Variants in GATA4 observed in about 807,000 individuals in gnomAD.
GATA4 encodes the protein GATA binding protein 4.
GATA4 carries 7 observed loss-of-function variants against 37.9 expected under a neutral mutation model. That is an observed-to-expected ratio of 0.18 (90% CI 0.11 to 0.35). GATA4 has a LOEUF of 0.35. Among genes scored for constraint, GATA4 ranks in the 10% least tolerant of loss-of-function variants. The pLI, the probability that GATA4 is intolerant of heterozygous loss-of-function variation, is 1.00. For missense variants in GATA4, 647 were observed against 653.0 expected, an observed-to-expected ratio of 0.99 and a Z score of 0.10; for synonymous variants, 372 against 292.6, an observed-to-expected ratio of 1.27 and a Z score of -2.77.
At chr8:11,724,046 A>G (rs906926243) in intron 2 of GATA4, among the ~76,000 whole-genome samples, 9 of 152,206 alleles carry the variant, frequency 5.9e-5, no homozygotes, top group Non-Finnish European at 8.8e-5. Flanking sequence ...CTTTAGTTAC[A>G]TGGAAGGACA....
chr8:11,735,198 T>C (rs1399561475), intron 2 of GATA4, among the ~76,000 whole-genome samples: 1 of 152,258 alleles, frequency 6.6e-6, no homozygotes, highest in Non-Finnish European at 1.5e-5. Context: ...TGCTATATAT[T>C]TTTTTCTCAG....
chr8:11,738,730 G>C (rs781488007), intron 2 of GATA4, among the ~76,000 whole-genome samples: 2 of 152,184 alleles, frequency 1.3e-5, no homozygotes, highest in Non-Finnish European at 2.9e-5. Flanking sequence ...TTCCCCACTG[G>C]CTGCGGGGCT....
chr8:11,751,490 T>A (rs1456112317), intron 4 of GATA4, among the ~76,000 whole-genome samples: 1 of 152,214 alleles, frequency 6.6e-6, no homozygotes, highest in Non-Finnish European at 1.5e-5. Flanking sequence ...GGAAGGACAC[T>A]CTTTTTGCTG....
intron 2 of GATA4, among the ~76,000 whole-genome samples, chr8:11,719,008 G>C (rs368963642): frequency 1.3e-5 from 2 of 152,182 alleles, no homozygotes; most frequent in East Asian, 3.8e-4. Flanking sequence ...CTTATCTAGA[G>C]GTTTTCCTAT....
intron 4 of GATA4, among the ~76,000 whole-genome samples, chr8:11,752,064 C>A (rs1233963939): frequency 1.3e-5 from 2 of 152,132 alleles, no homozygotes; most frequent in Non-Finnish European, 2.9e-5. Flanking sequence ...TGAAAAAATT[C>A]TGCTATATCC....
At chr8:11,748,514 T>A (rs972287017) in intron 2 of GATA4, among the ~76,000 whole-genome samples, 1 of 152,236 alleles carries the variant, frequency 6.6e-6, no homozygotes, top group Non-Finnish European at 1.5e-5. Context: ...GGTAAATATT[T>A]ATTATATCTT....
rs1157282474 is a variant in GATA4 at position 11,758,511 on chromosome 8, C to A, written c.*36C>A. 6.2e-7 allele frequency: 1 copy of A among 1,610,050 alleles called. No individual in the cohort carries two copies. On this transcript the variant is annotated 3_prime_UTR_variant, in exon 7 of 7. Transcript: ENST00000532059. Reference sequence around the variant, plus strand: ...TCCCTCCTCAAATTCCTGCACGGACCTGGGACTTGGAGGATAGCAAAGAAG... The same window carrying A: ...TCCCTCCTCAAATTCCTGCACGGACATGGGACTTGGAGGATAGCAAAGAAG...
chr8:11,700,126 T>G (rs1448419750), upstream of GATA4, among the ~76,000 whole-genome samples: 2 of 152,162 alleles, frequency 1.3e-5, no homozygotes, highest in Non-Finnish European at 2.9e-5. Context: ...CTAATGATAT[T>G]GTTGTTCCCT....
chr8:11,684,382 G>A (rs1263615846), intron 1 of GATA4, among the ~76,000 whole-genome samples: 7 of 152,216 alleles, frequency 4.6e-5, no homozygotes, highest in African/African-American at 1.7e-4. Flanking sequence ...GTGCAGGAAT[G>A]TGCTTCTCAA....
chr8:11,708,248 C>G lies in GATA4; in HGVS notation c.-65C>G, dbSNP rs1442556626. 1 of 1,527,702 alleles carries G rather than the reference C, an allele frequency of 6.5e-7. No homozygotes were observed. Among genetic ancestry groups the G allele is most frequent in the Non-Finnish European group, 8.8e-7 (1 of 1,138,390 alleles). The allele number at this position is 1,527,702 out of a possible 1,614,324, so 94.6% of individuals were successfully genotyped here. ...TATCGTTGTTGCCGTCGTTTTCTCT[C>G]CCCGCGTGGCTCCTTGACCTGCGAG... On this transcript the variant is annotated 5_prime_UTR_variant, in exon 2 of 7. Transcript: ENST00000532059. The surrounding 1 kb of genome is among the most constrained non-coding windows in gnomAD (Gnocchi z 6.7).
intron 2 of GATA4, among the ~76,000 whole-genome samples, chr8:11,719,051 G>A (rs1014787609): frequency 2.0e-5 from 3 of 152,180 alleles, no homozygotes; most frequent in East Asian, 3.8e-4. Context: ...ATAAAAAAGA[G>A]TTCATCAATT....
At chr8:11,689,195 A>G (rs986025676), upstream of GATA4, among the ~76,000 whole-genome samples, 1 of 152,156 alleles carries the variant, frequency 6.6e-6, no homozygotes, top group Non-Finnish European at 1.5e-5. Context: ...GCCAGTAACC[A>G]CTTATTTCTG....
intron 1 of GATA4, chr8:11,694,413 G>A (rs1241660665): frequency 5.7e-6 from 5 of 874,570 alleles, no homozygotes; most frequent in Middle Eastern, 5.7e-4. Flanking sequence ...CAGAGCTGGC[G>A]TGGCCCTCAG....
At chr8:11,702,938 G>C (rs941778800), upstream of GATA4, among the ~76,000 whole-genome samples, 3 of 152,230 alleles carry the variant, frequency 2.0e-5, no homozygotes, top group Non-Finnish European at 4.4e-5. The surrounding 1 kb of genome is among the most constrained non-coding windows in gnomAD (Gnocchi z 4.4). Context: ...CCAGGAGTTG[G>C]CCACGATCCC....
rs10088151 is a variant in GATA4, at chr8:11,707,578, C to A, written c.-457-278C>A. ...CCTTCCTGACAAGCAATACAAAAAT[C>A]ATTGACCAAGATCACAACCAATAAC... On this transcript the variant is annotated intron_variant, in intron 1 of 6. Coordinates refer to ENST00000532059, the MANE Select transcript of GATA4 (RefSeq NM_001308093.3). This position sits in a 1 kb window ranked among gnomAD's most constrained non-coding sequence, Gnocchi z 4.7. Among the ~76,000 whole-genome samples the A allele has an allele frequency of 0.21, 31,666 of 152,072 alleles. 4,322 individuals are homozygous for A. The highest frequency in any genetic ancestry group is 0.39 in the African/African-American group (16,152 of 41,444).
rs2130312283 is a variant in GATA4 at position 11,750,024 on chromosome 8, G to A, written c.787-87G>A. The A allele has an allele frequency of 3.1e-6, 5 of 1,598,922 alleles. No homozygotes were observed. The South Asian group carries it at 5.5e-5, about 18-fold the overall frequency. On this transcript the variant is annotated intron_variant, in intron 3 of 6. Transcript: ENST00000532059. ...GGGCCCAGCCCTGCCTCCCGTTAGG[G>A]AGGCCCAGCTCCGCAGCCACACGCG...
In GATA4 at chr8:11,708,548, G is replaced by T. The variant is rs1015136328; in HGVS notation, c.236G>T (p.Gly79Val). The T allele has an allele frequency of 2.1e-6, 3 of 1,416,670 alleles. No homozygotes were observed. In the African/African-American group the frequency reaches 4.5e-5, roughly 21 times the overall value. 87.8% of individuals were successfully genotyped at this position (1,416,670 alleles called of 1,614,324 possible). ...GSSGGAASGA[G>V]PGTQQGSPGW... is the part of the protein sequence containing the mutation. ...TCCGGTGGGGCCGCGTCTGGTGCGG[G>T]GCCCGGGACCCAGCAGGGCAGCCCG... is the stretch of plus-strand genomic sequence containing the variant. Residue 79 changes from glycine to valine, a missense_variant, in exon 2 of 7, where the codon GGG (glycine) becomes GTG (valine). This residue lies in a region of GATA4 where 379 missense variants were observed against 334.5 expected (regional missense o/e 1.13). Coordinates refer to ENST00000532059, the MANE Select transcript of GATA4 (RefSeq NM_001308093.3). The surrounding 1 kb of genome is among the most constrained non-coding windows in gnomAD (Gnocchi z 6.7).
At chr8:11,733,430 G>A (rs908044020) in intron 2 of GATA4, among the ~76,000 whole-genome samples, 2 of 152,230 alleles carry the variant, frequency 1.3e-5, no homozygotes, top group Non-Finnish European at 2.9e-5. Context: ...GGAAGCTAAA[G>A]CAGTGATGTT....
chr8:11,679,722 G>T (rs1271170422), intron 1 of GATA4, among the ~76,000 whole-genome samples: 4 of 152,178 alleles, frequency 2.6e-5, no homozygotes, highest in South Asian at 2.1e-4. Flanking sequence ...CTGCACTGAG[G>T]TTGGAAAAGC....
Sources: allele counts gnomAD v4.1 joint callset (sites outside exome capture counted in the v4.1 genomes callset), GRCh38; gene constraint gnomAD v4.1.1; regional missense constraint gnomAD v4.1.1; non-coding constraint Gnocchi (gnomAD v3.1); transcripts MANE v1.5; gene names NCBI Gene and HGNC (gene_info 2026-07-23, HGNC 2026-07-21).